ZNF831: variants seen among roughly 807,000 people sequenced by gnomAD.
ZNF831 encodes the protein zinc finger protein 831, also known as chromosome 20 open reading frame 174.
Under a neutral mutation model 95.8 loss-of-function variants are expected in ZNF831, and 59 were observed. That is an observed-to-expected ratio of 0.62 (90% confidence interval 0.50 to 0.77). ZNF831 has a LOEUF of 0.77. Among genes scored for constraint, ZNF831 ranks in the 30% least tolerant of loss-of-function variants. The pLI, the probability that ZNF831 is intolerant of heterozygous loss-of-function variation, is 0.00. For missense variants in ZNF831, 2,205 were observed against 2,164.0 expected (o/e 1.02, Z -0.38); for synonymous variants, 961 against 925.5 (o/e 1.04, Z -0.70).
At chr20:59,127,547 T>G (rs1398437648) in intron 1 of ZNF831, among the ~76,000 whole-genome samples, 1 of 152,226 alleles carries the variant, frequency 6.6e-6, no homozygotes. Context: ...CCCAGATGGT[T>G]GACACGTGCT....
At chr20:59,237,924 G>A (rs1987093573) in intron 4 of ZNF831, among the ~76,000 whole-genome samples, 1 of 152,104 alleles carries the variant, frequency 6.6e-6, no homozygotes, top group Non-Finnish European at 1.5e-5. Context: ...AAAGTTGGAT[G>A]GCCAGATTTT....
intron 2 of ZNF831, among the ~76,000 whole-genome samples, chr20:59,150,924 A>G (rs1227144727): frequency 6.6e-6 from 1 of 152,180 alleles, no homozygotes; most frequent in Non-Finnish European, 1.5e-5. Flanking sequence ...TTAGCTTGGA[A>G]GTTCTCCTTG....
Position 59,257,151 on chromosome 20 carries a change from CA to C in ZNF831, c.*2410del, listed in dbSNP as rs1415294037. The C allele has an allele frequency of 6.6e-6, 1 of 152,238 alleles. No homozygotes were observed. The highest frequency in any genetic ancestry group is 2.4e-5 in the African/African-American group (1 of 41,458). The allele number at this position is 152,238 out of a possible 1,614,324, so 9.4% of individuals were successfully genotyped here. On this transcript the variant is annotated 3_prime_UTR_variant, in exon 6 of 6. Transcript: ENST00000371030. ...GCCACCGTTGCCAGCTGTCACATCCCAACCTAGGTCAAATATGGCGGAATAT... is the reference window on the plus strand; with the variant it reads ...GCCACCGTTGCCAGCTGTCACATCCCACCTAGGTCAAATATGGCGGAATAT...
intron 5 of ZNF831, 39 bp from the exon 6 acceptor site, chr20:59,253,859 T>TTCCC: frequency 1.1e-6 from 1 of 915,766 alleles, no homozygotes; most frequent in Admixed American, 2.8e-5. Context: ...CCAATTAACC[T>TTCCC]CCCCCCCCAC....
chr20:59,158,191 T>C (rs2146467483), intron 2 of ZNF831, among the ~76,000 whole-genome samples: 1 of 152,314 alleles, frequency 6.6e-6, no homozygotes, highest in South Asian at 2.1e-4. Flanking sequence ...GACTGGCCCG[T>C]GGCGACAGGG....
intron 1 of ZNF831, 80 bp from the exon 2 acceptor site, chr20:59,190,904 G>A (rs1249384935): frequency 7.9e-7 from 1 of 1,258,942 alleles, no homozygotes; most frequent in Non-Finnish European, 1.0e-6. Context: ...GTGATGAAGT[G>A]CTTGGTGCAG....
intron 4 of ZNF831, among the ~76,000 whole-genome samples, chr20:59,244,484 A>G (rs1987495931): frequency 6.6e-6 from 1 of 152,182 alleles, no homozygotes; most frequent in Non-Finnish European, 1.5e-5. Flanking sequence ...TTTGAGTTTG[A>G]ATTTTAGAAC....
intron 5 of ZNF831, 28 bp from the exon 6 acceptor site, chr20:59,253,866 CCACT>C: frequency 1.8e-6 from 2 of 1,139,176 alleles, no homozygotes; most frequent in Non-Finnish European, 2.4e-6. Context: ...ACCTCCCCCC[CCACT>C]TTTTTTTTCC....
intron 1 of ZNF831, among the ~76,000 whole-genome samples, chr20:59,189,282 G>A (rs1026254362): frequency 6.6e-6 from 1 of 152,118 alleles, no homozygotes; most frequent in African/African-American, 2.4e-5. Flanking sequence ...TATAACTTTA[G>A]TGCTTACATT....
At chr20:59,189,900 G>A (rs990269355) in intron 1 of ZNF831, among the ~76,000 whole-genome samples, 1 of 152,214 alleles carries the variant, frequency 6.6e-6, no homozygotes, top group Non-Finnish European at 1.5e-5. Flanking sequence ...AGCTGGGGAT[G>A]GGTGAAATGT....
intron 2 of ZNF831, among the ~76,000 whole-genome samples, chr20:59,148,889 C>A (rs894172567): frequency 1.7e-4 from 26 of 152,078 alleles, no homozygotes; most frequent in Admixed American, 1.7e-3. Flanking sequence ...ACCCCTGCAC[C>A]TTGGACACAG....
intron 1 of ZNF831, among the ~76,000 whole-genome samples, chr20:59,130,912 C>A (rs371113901): frequency 2.6e-5 from 4 of 152,054 alleles, no homozygotes; most frequent in South Asian, 4.2e-4. Flanking sequence ...TCTGTGAGCC[C>A]CTGTTTCCTC....
intron 4 of ZNF831, among the ~76,000 whole-genome samples, chr20:59,223,908 A>T (rs558743151): frequency 6.6e-6 from 1 of 152,340 alleles, no homozygotes; most frequent in African/African-American, 2.4e-5. Flanking sequence ...TTTACTTCAA[A>T]GGCTGCCAGG....
intron 1 of ZNF831, among the ~76,000 whole-genome samples, chr20:59,180,452 A>T (rs930848294): frequency 2.0e-5 from 3 of 152,158 alleles, no homozygotes; most frequent in Admixed American, 6.5e-5. Context: ...TGCTACACAC[A>T]TCAACTTGTC....
chr20:59,219,796 T>C, intron 4 of ZNF831, among the ~76,000 whole-genome samples: 1 of 152,196 alleles, frequency 6.6e-6, no homozygotes, highest in East Asian at 1.9e-4. Context: ...AGTGTTTCCC[T>C]TAGCAATCAC....
At position 59,164,026 on chromosome 20, in the gene ZNF831, C is replaced by G. The variant is rs897461438; in HGVS notation, c.-218C>G. On this transcript the variant is annotated 5_prime_UTR_variant, in exon 1 of 6. Coordinates refer to ENST00000371030, the MANE Select transcript of ZNF831 (RefSeq NM_178457.3). ...AACTGGGAGAGAACACTAAAATGCC[C>G]TCTCAGCAAAGAGTAGCGAGCTCCC... Among the ~76,000 whole-genome samples, 1 of 152,124 alleles carries G rather than the reference C, an allele frequency of 6.6e-6. No individual in the cohort carries two copies. The highest frequency in any genetic ancestry group is 1.5e-5 in the Non-Finnish European group (1 of 68,016).
chr20:59,253,283 A>G (rs1987998690), intron 5 of ZNF831, 145 bp downstream of exon 5: 7 of 828,322 alleles, frequency 8.5e-6, no homozygotes, highest in Non-Finnish European at 1.1e-5. Flanking sequence ...CATTAAGACA[A>G]ACAAATAACT....
chr20:59,255,072 G>A lies in ZNF831; in HGVS notation c.*329G>A. 1 of 224,246 alleles carries A rather than the reference G, an allele frequency of 4.5e-6. No individual in the cohort carries two copies. Among genetic ancestry groups the A allele is most frequent in the Non-Finnish European group, 8.9e-6 (1 of 112,436 alleles). 13.9% of individuals were successfully genotyped at this position (224,246 alleles called of 1,614,324 possible). On this transcript the variant is annotated 3_prime_UTR_variant, in exon 6 of 6. Transcript: ENST00000371030. Reference sequence around the variant, plus strand: ...TCGTCTTCTGCACCTGTCCCCCACTGCCTCTCTGCAATCAAATGGCACTAA... The same window carrying A: ...TCGTCTTCTGCACCTGTCCCCCACTACCTCTCTGCAATCAAATGGCACTAA...
chr20:59,222,671 C>T (rs1986166156), intron 4 of ZNF831, among the ~76,000 whole-genome samples: 1 of 152,190 alleles, frequency 6.6e-6, no homozygotes, highest in Admixed American at 6.5e-5. Flanking sequence ...GCCTTCCAAG[C>T]TCCGCGGGGG....
Sources: allele counts gnomAD v4.1 joint callset (sites outside exome capture counted in the v4.1 genomes callset), GRCh38; gene constraint gnomAD v4.1.1; transcripts MANE v1.5; gene names NCBI Gene and HGNC (gene_info 2026-07-23, HGNC 2026-07-21).